The following TYW1B variants were observed in gnomAD, a reference collection of about 807,000 sequenced individuals.
TYW1B encodes the protein S-adenosyl-L-methionine-dependent tRNA 4-demethylwyosine synthase TYW1B.
A neutral mutation model predicts 86.9 loss-of-function variants in TYW1B; 73 were observed. The ratio of observed to expected loss-of-function variants is 0.84; its 90% CI spans 0.70 to 1.02. The LOEUF is 1.02. Among genes scored for constraint, TYW1B ranks in the 50% least tolerant of loss-of-function variants. The pLI is 0.00. For synonymous variants in TYW1B, 248 were observed against 292.8 expected (o/e 0.85, Z 1.56); for missense variants, 637 against 827.4 (o/e 0.77, Z 2.82).
intron 13 of TYW1B, among the ~76,000 whole-genome samples, chr7:72,592,162 A>T (rs1354336247): frequency 0.075 from 8,243 of 109,246 alleles, 234 homozygotes; most frequent in East Asian, 0.2. Flanking sequence ...TAATGTGTTA[A>T]AAAAAAAAAA....
At chr7:72,695,499 CCACT>C (rs1367547308) in intron 10 of TYW1B, among the ~76,000 whole-genome samples, 4 of 152,192 alleles carry the variant, frequency 2.6e-5, no homozygotes, top group African/African-American at 7.2e-5. Flanking sequence ...TCCATGAATA[CCACT>C]CATTCTCCGC....
intron 3 of TYW1B, among the ~76,000 whole-genome samples, chr7:72,815,027 C>T (rs1255419564): frequency 1.4e-5 from 2 of 144,464 alleles, no homozygotes; most frequent in South Asian, 2.2e-4. Context: ...TGAGATTGCA[C>T]GACTACACTC....
Position 72,599,138 on chromosome 7 carries a change from A to G in TYW1B, c.1785+17534T>C, listed in dbSNP as rs150619630. ...CCATAAACACAGATGTAAAATCAAT[A>G]AAATGTTAGCAAATCAAATCCAACA... On this transcript the variant is annotated intron_variant, in intron 13 of 13. Transcript: ENST00000620995. Among the ~76,000 whole-genome samples, 867 of 152,346 alleles carry G rather than the reference A, an allele frequency of 5.7e-3. 2 individuals carry two copies. The highest frequency in any genetic ancestry group is 0.02 in the African/African-American group (822 of 41,572).
chr7:72,674,510 A>G (rs1813689549), intron 11 of TYW1B, among the ~76,000 whole-genome samples: 1 of 151,944 alleles, frequency 6.6e-6, no homozygotes, highest in South Asian at 2.1e-4. Context: ...ATTAGGTCTT[A>G]ATCCACACCT....
intron 12 of TYW1B, 56 bp from the exon 13 acceptor site, chr7:72,616,895 A>G: frequency 1.3e-6 from 2 of 1,597,648 alleles, no homozygotes; most frequent in Non-Finnish European, 1.7e-6. Flanking sequence ...CATGTCATAG[A>G]AGACTTTCAG....
At chr7:72,808,529 C>CTTTT (rs66804350) in intron 4 of TYW1B, among the ~76,000 whole-genome samples, 1 of 138,612 alleles carries the variant, frequency 7.2e-6, no homozygotes, top group Admixed American at 7.3e-5. Flanking sequence ...TTTTATTTTA[C>CTTTT]TTTTTTTTTT....
In TYW1B at chr7:72,714,263, T is replaced by C. The variant is rs547756832; in HGVS notation, c.1193-465A>G. 6.7e-3 allele frequency among the ~76,000 whole-genome samples: 1,021 copies of C among 152,120 alleles called. 12 individuals are homozygous for C. The highest frequency in any genetic ancestry group is 0.021 in the African/African-American group (879 of 41,522). On this transcript the variant is annotated intron_variant, in intron 9 of 13. Coordinates refer to ENST00000620995, the MANE Select transcript of TYW1B (RefSeq NM_001145440.3). ...GACCTAATCGTTCTTATCTTTGGCT[T>C]CATACTGGAATACTTCATAATTCAT...
intron 12 of TYW1B, among the ~76,000 whole-genome samples, chr7:72,618,786 C>T (rs1490231155): frequency 6.6e-6 from 1 of 152,150 alleles, no homozygotes; most frequent in Admixed American, 6.6e-5. Context: ...AACTGTGCCC[C>T]ACAGAGTTAA....
chr7:72,789,536 AG>A (rs1342403008), intron 6 of TYW1B, among the ~76,000 whole-genome samples: 1 of 152,240 alleles, frequency 6.6e-6, no homozygotes, highest in Non-Finnish European at 1.5e-5. Flanking sequence ...GACATGTATT[AG>A]GAAGTAAGTA....
intron 7 of TYW1B, among the ~76,000 whole-genome samples, chr7:72,771,093 G>C (rs1332699989): frequency 1.3e-5 from 2 of 151,146 alleles, no homozygotes; most frequent in Admixed American, 6.6e-5. Context: ...CTCTCGAATA[G>C]CTGGGATTAC....
chr7:72,765,306 A>G lies in TYW1B; in HGVS notation c.964+12110T>C, dbSNP rs142043390. On this transcript the variant is annotated intron_variant, in intron 7 of 13. Transcript: ENST00000620995. The stretch of plus-strand genomic sequence containing the variant: ...AAGAAAAAGTTATGTCTCTATAGAA[A>G]AACTATAATATACCTATTCTTATTA... Among the ~76,000 whole-genome samples, 149 of 152,280 alleles carry G rather than the reference A, an allele frequency of 9.8e-4. 1 individual carries two copies. Among genetic ancestry groups the G allele is most frequent in the African/African-American group, 3.5e-3 (144 of 41,550 alleles).
At chr7:72,723,271 TA>T (rs1301697043) in intron 9 of TYW1B, among the ~76,000 whole-genome samples, 3 of 152,082 alleles carry the variant, frequency 2.0e-5, no homozygotes, top group Non-Finnish European at 4.4e-5. Flanking sequence ...TAAAAGGATT[TA>T]AAAAATAATA....
intron 3 of TYW1B, among the ~76,000 whole-genome samples, chr7:72,813,019 G>A (rs1211820855): frequency 1.3e-5 from 2 of 151,890 alleles, no homozygotes; most frequent in Non-Finnish European, 2.9e-5. Context: ...GAAAGTTTTA[G>A]TGGAACACAG....
intron 2 of TYW1B, among the ~76,000 whole-genome samples, chr7:72,823,481 G>A (rs1212061940): frequency 1.6e-4 from 24 of 151,998 alleles, no homozygotes; most frequent in African/African-American, 5.1e-4. Flanking sequence ...CTAGCTGGGC[G>A]TAGTGGTGGG....
At chr7:72,738,401 A>G (rs36121563) in intron 8 of TYW1B, among the ~76,000 whole-genome samples, 2 of 152,172 alleles carry the variant, frequency 1.3e-5, no homozygotes, top group African/African-American at 4.8e-5. Flanking sequence ...TTCTGTTTCA[A>G]TGCTGCCATG....
intron 10 of TYW1B, among the ~76,000 whole-genome samples, chr7:72,707,215 G>T (rs1376798905): frequency 6.6e-6 from 1 of 152,248 alleles, no homozygotes; most frequent in Non-Finnish European, 1.5e-5. Context: ...TACAAGCAAA[G>T]GCTTGAAAGA....
At chr7:72,694,447 T>C (rs1473942772) in intron 11 of TYW1B, among the ~76,000 whole-genome samples, 1 of 152,182 alleles carries the variant, frequency 6.6e-6, no homozygotes, top group African/African-American at 2.4e-5. Flanking sequence ...AGGCAAATGA[T>C]ACATACAAAG....
At chr7:72,723,488 C>G (rs1417384733) in intron 9 of TYW1B, among the ~76,000 whole-genome samples, 3 of 151,986 alleles carry the variant, frequency 2.0e-5, no homozygotes, top group Admixed American at 6.6e-5. Flanking sequence ...AAATTAAGGC[C>G]AGGTGCAGTG....
intron 6 of TYW1B, among the ~76,000 whole-genome samples, chr7:72,797,297 A>C (rs1788321248): frequency 6.6e-6 from 1 of 152,198 alleles, no homozygotes; most frequent in Non-Finnish European, 1.5e-5. Context: ...TCAACTGCCC[A>C]ATGATTTAAC....
Sources: gnomAD v4.1 joint callset for allele counts (sites outside exome capture counted in the v4.1 genomes callset) on GRCh38, gnomAD v4.1.1 for gene constraint, MANE v1.5 for transcripts, NCBI Gene and HGNC (gene_info 2026-07-23, HGNC 2026-07-21) for gene names.